The following LMTK2 variants were observed in gnomAD, a reference collection of about 807,000 sequenced individuals.
LMTK2 encodes the protein serine/threonine-protein kinase LMTK2.
Under a neutral mutation model 127.5 loss-of-function variants are expected in LMTK2, and 37 were observed. The ratio of observed to expected loss-of-function variants is 0.29; its 90% CI spans 0.22 to 0.38. The LOEUF (loss-of-function observed/expected upper bound fraction) is 0.38, where lower values mean the gene tolerates loss of function less well. LMTK2 is among the 10% of genes least tolerant of loss of function. The pLI, the probability that LMTK2 is intolerant of heterozygous loss-of-function variation, is 1.00. For missense variants in LMTK2, 1,694 were observed against 1,920.3 expected (o/e 0.88, Z 2.20); for synonymous variants, 819 against 810.1 (o/e 1.01, Z -0.19).
At chr7:98,176,802 G>A (rs187615584) in intron 7 of LMTK2, among the ~76,000 whole-genome samples, 12 of 152,252 alleles carry the variant, frequency 7.9e-5, no homozygotes, top group African/African-American at 2.9e-4. Context: ...AGCTGAGATC[G>A]CACCACTGCA....
At chr7:98,174,428 A>C (rs957026001) in intron 7 of LMTK2, among the ~76,000 whole-genome samples, 1 of 152,230 alleles carries the variant, frequency 6.6e-6, no homozygotes, top group African/African-American at 2.4e-5. Flanking sequence ...GAAGTCGTGC[A>C]TGTGACTTTT....
intron 1 of LMTK2, among the ~76,000 whole-genome samples, chr7:98,119,065 C>T (rs1265274523): frequency 2.7e-5 from 4 of 148,614 alleles, no homozygotes; most frequent in Non-Finnish European, 5.9e-5. Context: ...GCACTCCCGC[C>T]TGGGTGACAG....
chr7:98,107,957 A>G (rs1473958269), intron 1 of LMTK2, among the ~76,000 whole-genome samples: 5 of 152,094 alleles, frequency 3.3e-5, no homozygotes, highest in Admixed American at 2.6e-4. Context: ...CATTTTCTCA[A>G]CATCGTTTTT....
intron 1 of LMTK2, among the ~76,000 whole-genome samples, chr7:98,124,119 A>G (rs1445198135): frequency 6.6e-6 from 1 of 152,130 alleles, no homozygotes; most frequent in East Asian, 1.9e-4. Flanking sequence ...ATGTCAGGTG[A>G]TACTTGAAAG....
chr7:98,147,951 C>T (rs1584262864), intron 3 of LMTK2, among the ~76,000 whole-genome samples: 1 of 151,950 alleles, frequency 6.6e-6, no homozygotes, highest in African/African-American at 2.4e-5. Flanking sequence ...TGGTGGCTCA[C>T]ACCTGTAATT....
intron 6 of LMTK2, 113 bp downstream of exon 6, chr7:98,159,538 A>G: frequency 1.4e-6 from 1 of 729,542 alleles, no homozygotes; most frequent in Non-Finnish European, 2.4e-6. Context: ...CCCCACTTGA[A>G]GAACTTTATG....
intron 1 of LMTK2, among the ~76,000 whole-genome samples, chr7:98,107,983 T>A (rs1796141406): frequency 6.6e-6 from 1 of 152,102 alleles, no homozygotes; most frequent in South Asian, 2.1e-4. Flanking sequence ...GGGTTTATTT[T>A]CCTAAATAAA....
chr7:98,146,095 C>T (rs953101115), intron 3 of LMTK2, among the ~76,000 whole-genome samples: 2 of 152,082 alleles, frequency 1.3e-5, no homozygotes, highest in African/African-American at 4.8e-5. Flanking sequence ...TCCTGGAACC[C>T]TTTTTGAAAA....
chr7:98,140,753 A>G (rs1215729078), intron 2 of LMTK2, among the ~76,000 whole-genome samples: 3 of 152,142 alleles, frequency 2.0e-5, no homozygotes, highest in African/African-American at 4.8e-5. Context: ...TCATGTCACA[A>G]AAGTAATAAT....
chr7:98,173,001 G>A (rs1419428837), intron 7 of LMTK2, among the ~76,000 whole-genome samples: 2 of 152,132 alleles, frequency 1.3e-5, no homozygotes, highest in African/African-American at 2.4e-5. Flanking sequence ...CAGATGATCC[G>A]TCCGCCTCAG....
chr7:98,120,034 T>A (rs965963521), intron 1 of LMTK2, among the ~76,000 whole-genome samples: 3 of 152,128 alleles, frequency 2.0e-5, no homozygotes, highest in Non-Finnish European at 2.9e-5. Flanking sequence ...AATTTTCTTA[T>A]GATGAGCTAA....
chr7:98,180,432 A>C (rs1315786661), intron 7 of LMTK2, among the ~76,000 whole-genome samples: 1 of 152,222 alleles, frequency 6.6e-6, no homozygotes, highest in Non-Finnish European at 1.5e-5. Context: ...TGGTGATTAT[A>C]AAGACTCTAA....
chr7:98,126,505 C>T (rs1261637919), intron 1 of LMTK2: 1 of 152,236 alleles, frequency 6.6e-6, no homozygotes, highest in Non-Finnish European at 1.5e-5. Flanking sequence ...CTGCCAGCAA[C>T]TTAACCAAGG....
intron 7 of LMTK2, among the ~76,000 whole-genome samples, chr7:98,181,780 TC>T (rs1797360085): frequency 6.6e-6 from 1 of 150,616 alleles, no homozygotes; most frequent in African/African-American, 2.4e-5. Flanking sequence ...TGCCTCAGCC[TC>T]CCCAGTAGCT....
chr7:98,166,236 T>G (rs113350890), intron 6 of LMTK2, among the ~76,000 whole-genome samples: 1 of 152,336 alleles, frequency 6.6e-6, no homozygotes, highest in African/African-American at 2.4e-5. Context: ...TCTCCCCTGT[T>G]GCTGCAGTGA....
chr7:98,208,401 T>C lies in LMTK2; in HGVS notation c.*2909T>C, dbSNP rs896731199. ...CAGGTTTTTGTTGTTTGTTTTGTTA[T>C]TTTTTAACTAATAAGTTGGTTATCA... On this transcript the variant is annotated 3_prime_UTR_variant, in exon 14 of 14. Transcript: ENST00000297293. The C allele has an allele frequency of 7.2e-5, 11 of 152,228 alleles. No homozygotes were observed. Among genetic ancestry groups the C allele is most frequent in the Non-Finnish European group, 1.6e-4 (11 of 68,044 alleles). The allele number at this position is 152,228 out of a possible 1,614,324, so 9.4% of individuals were successfully genotyped here.
Position 98,106,897 on chromosome 7 carries a change from C to T in LMTK2, c.-281C>T, listed in dbSNP as rs546457062. On this transcript the variant is annotated 5_prime_UTR_variant, in exon 1 of 14. Coordinates refer to ENST00000297293, the MANE Select transcript of LMTK2 (RefSeq NM_014916.4). The stretch of plus-strand genomic sequence containing the variant: ...GCAGCCCATCATGGCGGCGGGAGCG[C>T]GGCTTCCCAGGCCCGCCGCTCCGCA... 12 of 441,254 alleles carry T rather than the reference C, an allele frequency of 2.7e-5. No individual in the cohort carries two copies. Among genetic ancestry groups the T allele is most frequent in the South Asian group, 9.4e-5 (2 of 21,362 alleles). 27.3% of individuals were successfully genotyped at this position (441,254 alleles called of 1,614,324 possible). A position where few individuals can be genotyped will look rare whatever the true frequency, so the allele number is the denominator to read the frequency against.
In LMTK2 at chr7:98,192,669, C is replaced by T. The variant is rs771178541; in HGVS notation, c.2204C>T (p.Ser735Leu). The change falls in exon 11 of 14, where the codon TCA becomes TTA. Residue 735 changes from serine to leucine, a missense_variant. Transcript: ENST00000297293. Reference protein sequence around the residue: ...FLQEKNLLKGSLSSKEHINDL... With the variant: ...FLQEKNLLKGLLSSKEHINDL... Reference sequence around the variant, plus strand: ...CAAGAGAAAAACTTACTAAAAGGCTCATTGTCCAGCAAAGAACACATAAAT... The same window carrying T: ...CAAGAGAAAAACTTACTAAAAGGCTTATTGTCCAGCAAAGAACACATAAAT... 1.2e-6 allele frequency: 2 copies of T among 1,610,618 alleles called. No homozygotes were observed. The highest frequency in any genetic ancestry group is 4.5e-5 in the East Asian group (2 of 44,874).
chr7:98,189,995 GTATT>G (rs1236175799), intron 9 of LMTK2, among the ~76,000 whole-genome samples: 1 of 149,742 alleles, frequency 6.7e-6, no homozygotes, highest in Non-Finnish European at 1.5e-5. Context: ...GTTAATAGGT[GTATT>G]TTTCTACCAA....
Sources: allele counts gnomAD v4.1 joint callset (sites outside exome capture counted in the v4.1 genomes callset), GRCh38; gene constraint gnomAD v4.1.1; transcripts MANE v1.5; gene names NCBI Gene and HGNC (gene_info 2026-07-23, HGNC 2026-07-21).